Variants in DISP3 observed in about 807,000 individuals in gnomAD.
DISP3 encodes the protein dispatched RND transporter family member 3, also known as protein dispatched homolog 3.
A neutral mutation model predicts 135.3 loss-of-function variants in DISP3; 101 were observed. That is an observed-to-expected ratio of 0.75 (90% confidence interval 0.64 to 0.88). The LOEUF (loss-of-function observed/expected upper bound fraction) is 0.88, where lower values mean the gene tolerates loss of function less well. Among genes scored for constraint, DISP3 ranks in the 40% least tolerant of loss-of-function variants. The pLI, the probability that DISP3 is intolerant of heterozygous loss-of-function variation, is 0.00. For synonymous variants in DISP3, 856 were observed against 817.0 expected, an observed-to-expected ratio of 1.05 and a Z score of -0.81; for missense variants, 1,713 against 1,878.6, an observed-to-expected ratio of 0.91 and a Z score of 1.63.
rs369419460 is a variant in DISP3, at chr1:11,516,201, C to T, written c.1749+40C>T. On this transcript the variant is annotated intron_variant, in intron 6 of 20. Transcript: ENST00000294484. This position sits in a 1 kb window ranked among gnomAD's most constrained non-coding sequence, Gnocchi z 5.1. ...TCCATTCCTGTCCTGGCCTCCCACA[C>T]GCTCATGCATACCTAGCCGCTGGTC... 1.1e-4 allele frequency: 181 copies of T among 1,599,526 alleles called. No individual in the cohort carries two copies. Among genetic ancestry groups the T allele is most frequent in the Admixed American group, 3.4e-4 (20 of 59,490 alleles).
In DISP3 at chr1:11,535,063, C is replaced by T. The variant is rs538447872; in HGVS notation, c.3588C>T (p.Ala1196=). The T allele has an allele frequency of 6.8e-5, 109 of 1,607,624 alleles. No homozygotes were observed. The South Asian group carries it at 8.2e-4, about 12-fold the overall frequency. ...TGCTATCCCTGCTCATCTGCGTGGC[C>T]GCGGTGGCCGTGTTCACCACCCACA... is the stretch of plus-strand genomic sequence containing the variant. ...GLVLSLLICV[A]AVAVFTTHIL... The change falls in exon 19 of 21, where the codon GCC becomes GCT. Residue 1196 remains alanine, a synonymous_variant. Transcript: ENST00000294484.
At chr1:11,517,349 C>T in intron 6 of DISP3, 114 bp from the exon 7 acceptor site, 2 of 1,398,316 alleles carry the variant, frequency 1.4e-6, no homozygotes, top group South Asian at 2.5e-5. Context: ...CCTCCTACTG[C>T]CTCAGTCTGG....
At position 11,525,260 on chromosome 1, in the gene DISP3, C is replaced by T; in HGVS notation, c.2561C>T (p.Pro854Leu). The T allele has an allele frequency of 1.9e-6, 3 of 1,614,086 alleles. No homozygotes were observed. Among genetic ancestry groups the T allele is most frequent in the East Asian group, 4.5e-5 (2 of 44,866 alleles). ...AGGCTCTCCCTCAATGCCAGCCTGC[C>T]TGCTCCTTGGCAGGCTGTGTCGCCT... ...VYRLSLNASL[P>L]APWQAVSPGD... The change falls in exon 12 of 21, where the codon CCT (proline) becomes CTT (leucine). Residue 854 changes from proline to leucine, a missense_variant. This residue lies in a region of DISP3 where 1,142 missense variants were observed against 1,384.6 expected (regional missense o/e 0.82). Transcript: ENST00000294484.
chr1:11,525,292 G>T lies in DISP3; in HGVS notation c.2593G>T (p.Gly865Ter). 1 of 1,613,804 alleles carries T rather than the reference G, an allele frequency of 6.2e-7. No individual in the cohort carries two copies. The highest frequency in any genetic ancestry group is 8.5e-7 in the Non-Finnish European group (1 of 1,179,794). ...APWQAVSPGD[G>*]EVPSFQVYRA... ...TTGGCAGGCTGTGTCGCCTGGGGAT[G>T]GAGAGGTGCCCTCCTTCCAGGTGAG... Residue 865 changes from glycine (G) to a stop codon, truncating the protein, a stop_gained, in exon 12 of 21, where the codon GGA (glycine) becomes TGA (stop). Transcript: ENST00000294484. LOFTEE classifies it high-confidence loss of function.
Position 11,520,201 on chromosome 1 carries a change from C to T in DISP3, c.2200+321C>T, listed in dbSNP as rs113498492. Among the ~76,000 whole-genome samples the T allele has an allele frequency of 1.3e-5, 2 of 152,142 alleles. No individual in the cohort carries two copies. Among genetic ancestry groups the T allele is most frequent in the African/African-American group, 4.8e-5 (2 of 41,424 alleles). ...CTGTGTGAATTTGGCTATTCCAGTC[C>T]GTTTAGCACTCAGTTCCTATTCTGT... On this transcript the variant is annotated intron_variant, in intron 9 of 20. Coordinates refer to ENST00000294484, the MANE Select transcript of DISP3 (RefSeq NM_020780.2). The surrounding 1 kb of genome is among the most constrained non-coding windows in gnomAD (Gnocchi z 4.8).
At position 11,514,296 on chromosome 1, in the gene DISP3, A is replaced by G. The variant is rs1641938391; in HGVS notation, c.1317-94A>G. On this transcript the variant is annotated intron_variant, in intron 3 of 20. Coordinates refer to ENST00000294484, the MANE Select transcript of DISP3 (RefSeq NM_020780.2). ...CAAGGTAGAGTCACAGGTGAAGTGGACAGCTCCTGATACTCCTCTACATGT... is the reference window on the plus strand; with the variant it reads ...CAAGGTAGAGTCACAGGTGAAGTGGGCAGCTCCTGATACTCCTCTACATGT... 3.5e-6 allele frequency: 5 copies of G among 1,412,304 alleles called. No homozygotes were observed. In the Middle Eastern group the frequency reaches 5.4e-4, roughly 152 times the overall value. 87.5% of individuals were successfully genotyped at this position (1,412,304 alleles called of 1,614,324 possible).
intron 1 of DISP3, among the ~76,000 whole-genome samples, chr1:11,482,869 G>A (rs1640939629): frequency 6.6e-6 from 1 of 152,212 alleles, no homozygotes; most frequent in African/African-American, 2.4e-5. Flanking sequence ...TCTTGCCAAA[G>A]GAGCTGGGAG....
At chr1:11,485,047 A>G (rs1419985499) in intron 1 of DISP3, among the ~76,000 whole-genome samples, 2 of 152,004 alleles carry the variant, frequency 1.3e-5, no homozygotes, top group African/African-American at 4.8e-5. Context: ...TTCCTTTTGC[A>G]CCAACCTAAT....
At position 11,536,662 on chromosome 1, in the gene DISP3, C is replaced by T. The variant is rs746286369; in HGVS notation, c.4155C>T (p.Pro1385=). The T allele has an allele frequency of 1.3e-6, 2 of 1,583,808 alleles. No homozygotes were observed. Among genetic ancestry groups the T allele is most frequent in the Admixed American group, 3.6e-5 (2 of 56,056 alleles). ...TCCTGCAGAGCGGCTATAAGATTCC[C>T]CTGCCCGCAGGGGCCTCCCTATAGC... ...LVLLQSGYKI[P]LPAGASL The change falls in exon 21 of 21, where the codon CCC becomes CCT. Residue 1385 remains proline (P), a synonymous_variant. Transcript: ENST00000294484. This position sits in a 1 kb window ranked among gnomAD's most constrained non-coding sequence, Gnocchi z 4.3.
At chr1:11,480,204 T>TC (rs943530650) in intron 1 of DISP3, among the ~76,000 whole-genome samples, 1 of 151,932 alleles carries the variant, frequency 6.6e-6, no homozygotes, top group Non-Finnish European at 1.5e-5. Flanking sequence ...CTTCCCGCTG[T>TC]CCCCCACTCA....
At chr1:11,492,371 A>G (rs1292522350) in intron 1 of DISP3, among the ~76,000 whole-genome samples, 1 of 152,134 alleles carries the variant, frequency 6.6e-6, no homozygotes, top group Non-Finnish European at 1.5e-5. Flanking sequence ...TGACCCAGGC[A>G]AAGCTTGTTT....
chr1:11,485,353 C>T (rs143585148), intron 1 of DISP3, among the ~76,000 whole-genome samples: 4 of 152,306 alleles, frequency 2.6e-5, no homozygotes, highest in East Asian at 1.9e-4. Flanking sequence ...AGGCTCACTC[C>T]GCCCAGCCAT....
intron 12 of DISP3, 124 bp from the exon 13 acceptor site, chr1:11,526,527 C>T (rs961978954): frequency 5.2e-6 from 6 of 1,163,314 alleles, no homozygotes; most frequent in Admixed American, 4.1e-5. Context: ...GGCTCTGTCC[C>T]CAACTCCGAG....
At position 11,519,672 on chromosome 1, in the gene DISP3, G is replaced by A. The variant is rs752163836; in HGVS notation, c.2039-47G>A. On this transcript the variant is annotated intron_variant, in intron 8 of 20. Coordinates refer to ENST00000294484, the MANE Select transcript of DISP3 (RefSeq NM_020780.2). This position sits in a 1 kb window ranked among gnomAD's most constrained non-coding sequence, Gnocchi z 4.3. ...TCCCTGGAAGCGAGCGTGGACCACAGTGGGCTTTGATTCAGGCTCTGACGG... is the reference window on the plus strand; with the variant it reads ...TCCCTGGAAGCGAGCGTGGACCACAATGGGCTTTGATTCAGGCTCTGACGG... 2.1e-5 allele frequency: 33 copies of A among 1,596,658 alleles called. No individual in the cohort carries two copies. Among genetic ancestry groups the A allele is most frequent in the Non-Finnish European group, 2.6e-5 (31 of 1,170,402 alleles).
chr1:11,480,940 T>G (rs1037994395), intron 1 of DISP3, among the ~76,000 whole-genome samples: 3 of 151,566 alleles, frequency 2.0e-5, no homozygotes, highest in African/African-American at 7.3e-5. Context: ...TACTCACTCC[T>G]CTTTCTCTAA....
intron 13 of DISP3, among the ~76,000 whole-genome samples, chr1:11,527,413 G>A (rs572375481): frequency 3.9e-5 from 6 of 152,156 alleles, no homozygotes; most frequent in Non-Finnish European, 7.4e-5. Flanking sequence ...GCCAGGCATG[G>A]TGGCACGCAC....
intron 1 of DISP3, among the ~76,000 whole-genome samples, chr1:11,486,180 A>G (rs985300865): frequency 7.9e-5 from 12 of 152,124 alleles, no homozygotes; most frequent in African/African-American, 2.9e-4. Context: ...TTTTCCTTCC[A>G]TGTAGACACA....
intron 3 of DISP3, among the ~76,000 whole-genome samples, chr1:11,505,657 T>C (rs745320484): frequency 1.1e-4 from 17 of 152,246 alleles, no homozygotes; most frequent in South Asian, 4.1e-4. Context: ...CAGAATAATA[T>C]AAATGATCAC....
chr1:11,488,854 T>A (rs749965088), intron 1 of DISP3, among the ~76,000 whole-genome samples: 18 of 152,206 alleles, frequency 1.2e-4, no homozygotes, highest in Admixed American at 6.5e-5. Context: ...AGTTTTCTTG[T>A]CTGCAAATTG....
Sources: allele counts gnomAD v4.1 joint callset (sites outside exome capture counted in the v4.1 genomes callset), GRCh38; gene constraint gnomAD v4.1.1; regional missense constraint gnomAD v4.1.1; non-coding constraint Gnocchi (gnomAD v3.1); transcripts MANE v1.5; gene names NCBI Gene and HGNC (gene_info 2026-07-23, HGNC 2026-07-21).